The following GPC3 variants were observed in gnomAD, a reference collection of about 807,000 sequenced individuals.
GPC3 encodes glypican 3.
A neutral mutation model predicts 34.4 loss-of-function variants in GPC3; 3 were observed. That is an observed-to-expected ratio of 0.09 (90% confidence interval 0.04 to 0.23). GPC3 has a LOEUF of 0.23. Among genes scored for constraint, GPC3 ranks in the 10% least tolerant of loss-of-function variants. The pLI is 1.00. For synonymous variants in GPC3, 177 were observed against 174.0 expected, an observed-to-expected ratio of 1.02 and a Z score of -0.13; for missense variants, 351 against 445.6, an observed-to-expected ratio of 0.79 and a Z score of 1.91.
intron 6 of GPC3, among the ~76,000 whole-genome samples, chrX:133,639,167 C>A (rs576944359): frequency 3.6e-5 from 4 of 112,069 alleles, no homozygotes; most frequent in African/African-American, 9.7e-5. Flanking sequence ...AGTGATCCCC[C>A]CTCTGTTGAA....
intron 6 of GPC3, among the ~76,000 whole-genome samples, chrX:133,638,278 T>G: frequency 8.9e-6 from 1 of 111,895 alleles, no homozygotes; most frequent in Middle Eastern, 4.6e-3. Flanking sequence ...TACCTGGAAT[T>G]TATGACCAGT....
intron 7 of GPC3, among the ~76,000 whole-genome samples, chrX:133,584,256 G>C (rs1416130248): frequency 8.9e-6 from 1 of 111,981 alleles, no homozygotes; most frequent in Non-Finnish European, 1.9e-5. Context: ...AATACGTACT[G>C]AGAGTCACTG....
chrX:133,726,671 C>T (rs1256499380), intron 3 of GPC3, among the ~76,000 whole-genome samples: 2 of 111,484 alleles, frequency 1.8e-5, no homozygotes, highest in Non-Finnish European at 1.9e-5. Context: ...TCCTTCTCCC[C>T]TTCTTCCCAC....
chrX:133,839,852 C>T (rs1336030040), intron 2 of GPC3, among the ~76,000 whole-genome samples: 2 of 102,144 alleles, frequency 2.0e-5, no homozygotes, highest in African/African-American at 7.4e-5. Context: ...GGCGTGAACC[C>T]AGGAGGCGGA....
At chrX:133,560,167 G>C (rs1346350652) in intron 7 of GPC3, among the ~76,000 whole-genome samples, 1 of 111,611 alleles carries the variant, frequency 9.0e-6, no homozygotes, top group Non-Finnish European at 1.9e-5. Flanking sequence ...GTGTATCAGA[G>C]CATAGGCACG....
rs574594141 is a variant in GPC3, at chrX:133,838,361, C to T, written c.338-84185G>A. ...CATGTCTTACAAATAAGTCAAGGTC[C>T]CCCACTGTCTTTGCCTCAAAGGGTC... On this transcript the variant is annotated intron_variant, in intron 2 of 7. Transcript: ENST00000370818. Among the ~76,000 whole-genome samples the T allele has an allele frequency of 5.2e-4, 58 of 112,178 alleles. No homozygotes were observed. The South Asian group carries it at 0.02, about 40-fold the overall frequency.
At chrX:133,748,969 A>G (rs1211201362) in intron 3 of GPC3, among the ~76,000 whole-genome samples, 1 of 111,947 alleles carries the variant, frequency 8.9e-6, no homozygotes. Context: ...TTCTTAAATA[A>G]AAAATAATTT....
chrX:133,916,144 C>CA (rs774691093), intron 2 of GPC3, among the ~76,000 whole-genome samples: 785 of 30,223 alleles, frequency 0.026, 8 homozygotes, highest in Admixed American at 0.052. Context: ...GACTCTGTCT[C>CA]AAAAAAAAAA....
rs1029521152 is a variant in GPC3, at chrX:133,535,859, G to A, written c.*265C>T. The A allele has an allele frequency of 2.8e-6, 1 of 360,461 alleles. No individual in the cohort carries two copies. 29.7% of individuals were successfully genotyped at this position (360,461 alleles called of 1,213,427 possible). A position where few individuals can be genotyped will look rare whatever the true frequency, so the allele number is the denominator to read the frequency against. On this transcript the variant is annotated 3_prime_UTR_variant, in exon 8 of 8. Transcript: ENST00000370818. Reference sequence around the variant, plus strand: ...AACCATGTTCTAGCAGCCAAACATAGGAGAATAATTTGGCACAACTTGATG... The same window carrying A: ...AACCATGTTCTAGCAGCCAAACATAAGAGAATAATTTGGCACAACTTGATG...
At chrX:133,743,731 C>T (rs1221603969) in intron 3 of GPC3, among the ~76,000 whole-genome samples, 6 of 112,214 alleles carry the variant, frequency 5.3e-5, no homozygotes, top group Admixed American at 2.8e-4. Context: ...CCTAGCCACT[C>T]GACATCTTTT....
In GPC3 at chrX:133,831,251, A is replaced by G. The variant is rs186387319; in HGVS notation, c.338-77075T>C. On this transcript the variant is annotated intron_variant, in intron 2 of 7. Transcript: ENST00000370818. ...AATACATTTTTAAAGTGTATGTAAAATCTAGGTCTGTACCTGACTTAGTAG... is the reference window on the plus strand; with the variant it reads ...AATACATTTTTAAAGTGTATGTAAAGTCTAGGTCTGTACCTGACTTAGTAG... 4.3e-3 allele frequency among the ~76,000 whole-genome samples: 485 copies of G among 111,972 alleles called. 3 individuals are homozygous for G. Among genetic ancestry groups the G allele is most frequent in the African/African-American group, 0.015 (472 of 30,830 alleles).
chrX:133,592,638 T>G (rs892428716), intron 7 of GPC3, among the ~76,000 whole-genome samples: 20 of 111,278 alleles, frequency 1.8e-4, no homozygotes, highest in African/African-American at 6.2e-4. Flanking sequence ...ATGAAAGCAC[T>G]GGCAGAATTC....
At chrX:133,850,275 T>C (rs149713764) in intron 2 of GPC3, among the ~76,000 whole-genome samples, 1,794 of 101,343 alleles carry the variant, frequency 0.018, 15 homozygotes, top group Non-Finnish European at 0.027. Context: ...AATTCAAACT[T>C]TACTGTTCAA....
chrX:133,672,871 C>T (rs186938579), intron 5 of GPC3, among the ~76,000 whole-genome samples: 6 of 106,134 alleles, frequency 5.7e-5, no homozygotes, highest in African/African-American at 2.1e-4. Flanking sequence ...AGGATGGTCT[C>T]GATCTCCTGA....
At chrX:133,861,891 G>A (rs990325482) in intron 2 of GPC3, among the ~76,000 whole-genome samples, 4 of 111,649 alleles carry the variant, frequency 3.6e-5, no homozygotes, top group Admixed American at 9.6e-5. Flanking sequence ...GTAGAAATAC[G>A]AGCCAAACAA....
chrX:133,757,311 C>T lies in GPC3; in HGVS notation c.338-3135G>A, dbSNP rs190600761. ...TTCTGGTCACCACCCTTTGGACATG[C>T]TCCAGTGTTGTCAATGTCCTCCTTA... On this transcript the variant is annotated intron_variant, in intron 2 of 7. Coordinates refer to ENST00000370818, the MANE Select transcript of GPC3 (RefSeq NM_004484.4). 2.2e-3 allele frequency among the ~76,000 whole-genome samples: 243 copies of T among 111,619 alleles called. 1 individual carries two copies. The highest frequency in any genetic ancestry group is 4.7e-3 in the Middle Eastern group (1 of 215).
At chrX:133,868,822 T>C (rs1236325352) in intron 2 of GPC3, among the ~76,000 whole-genome samples, 1 of 111,778 alleles carries the variant, frequency 8.9e-6, no homozygotes, top group Admixed American at 9.5e-5. Flanking sequence ...TCTTTGACTC[T>C]GCTTTCTCTT....
At chrX:133,791,951 G>A (rs1178922407) in intron 2 of GPC3, among the ~76,000 whole-genome samples, 2 of 104,473 alleles carry the variant, frequency 1.9e-5, no homozygotes, top group Non-Finnish European at 3.9e-5. Flanking sequence ...CACAATCTCG[G>A]GCCACTGCAA....
chrX:133,868,711 G>A (rs943750560), intron 2 of GPC3, among the ~76,000 whole-genome samples: 34 of 111,747 alleles, frequency 3.0e-4, no homozygotes, highest in African/African-American at 1.0e-3. Flanking sequence ...TTTGAAAAGG[G>A]TATCCTCCCC....
Sources: allele counts gnomAD v4.1 joint callset (sites outside exome capture counted in the v4.1 genomes callset), GRCh38; gene constraint gnomAD v4.1.1; transcripts MANE v1.5; gene names NCBI Gene and HGNC (gene_info 2026-07-23, HGNC 2026-07-21).